SNAP23: variants seen among roughly 807,000 people sequenced by gnomAD.
SNAP23 encodes synaptosome associated protein 23, also known as synaptosomal-associated protein 23.
SNAP23 carries 11 observed loss-of-function variants against 29.0 expected under a neutral mutation model. The ratio of observed to expected loss-of-function variants is 0.38; its 90% CI spans 0.24 to 0.63. SNAP23 has a LOEUF of 0.63. Ranked by LOEUF, SNAP23 falls within the 20% of genes least tolerant of loss-of-function variation. The pLI is 0.58. For missense variants in SNAP23, 220 were observed against 253.9 expected (o/e 0.87, Z 0.91); for synonymous variants, 60 against 82.9 (o/e 0.72, Z 1.50).
intron 6 of SNAP23, among the ~76,000 whole-genome samples, chr15:42,529,149 G>A (rs561114684): frequency 1.8e-4 from 28 of 152,276 alleles, no homozygotes; most frequent in Non-Finnish European, 3.1e-4. Context: ...GTTAAAGCAG[G>A]CATAAACAAT....
intron 5 of SNAP23, among the ~76,000 whole-genome samples, chr15:42,520,941 C>T (rs892888352): frequency 4.6e-5 from 7 of 152,182 alleles, no homozygotes; most frequent in African/African-American, 1.4e-4. Context: ...ACTGCTATTC[C>T]GATCTTAAGT....
chr15:42,513,199 A>T (rs150249939), intron 3 of SNAP23, 200 bp from the exon 4 acceptor site: 1 of 744,048 alleles, frequency 1.3e-6, no homozygotes, highest in Non-Finnish European at 2.4e-6. Context: ...GGGAAGATGA[A>T]TTCACTATGA....
intron 6 of SNAP23, 75 bp from the exon 7 acceptor site, chr15:42,529,599 AC>A: frequency 1.3e-6 from 2 of 1,496,870 alleles, no homozygotes; most frequent in Non-Finnish European, 1.8e-6. Context: ...TTGGTTACTT[AC>A]TTTTGTGAAA....
intron 1 of SNAP23, among the ~76,000 whole-genome samples, chr15:42,502,519 CTAAATAAA>C (rs74278905): frequency 2.6e-5 from 4 of 151,568 alleles, no homozygotes; most frequent in African/African-American, 7.3e-5. Context: ...CTATATCTAC[CTAAATAAA>C]TAAATAAATA....
At chr15:42,530,703 T>C (rs1472303099) in intron 7 of SNAP23, among the ~76,000 whole-genome samples, 2 of 152,176 alleles carry the variant, frequency 1.3e-5, no homozygotes, top group Admixed American at 6.5e-5. Flanking sequence ...TGAGCTGTGA[T>C]TGCACCATTG....
At chr15:42,515,015 T>C (rs1213405401) in intron 4 of SNAP23, among the ~76,000 whole-genome samples, 1 of 152,208 alleles carries the variant, frequency 6.6e-6, no homozygotes, top group Non-Finnish European at 1.5e-5. Flanking sequence ...ACAAGCTTTT[T>C]AGAACAAATT....
chr15:42,494,569 G>T (rs775743177), upstream of SNAP23, among the ~76,000 whole-genome samples: 2 of 149,728 alleles, frequency 1.3e-5, no homozygotes, highest in Non-Finnish European at 3.0e-5. Flanking sequence ...AGCCTGGAGT[G>T]CAATGGCATG....
chr15:42,504,220 T>C (rs2057299686), intron 1 of SNAP23, among the ~76,000 whole-genome samples: 1 of 151,804 alleles, frequency 6.6e-6, no homozygotes, highest in Non-Finnish European at 1.5e-5. Context: ...TGGGCACCTG[T>C]AATCCCAGCT....
intron 1 of SNAP23, among the ~76,000 whole-genome samples, chr15:42,510,221 A>C (rs1041537824): frequency 6.6e-6 from 1 of 152,038 alleles, no homozygotes; most frequent in Non-Finnish European, 1.5e-5. Flanking sequence ...CTTCAGCCTC[A>C]ACCTCCTGGA....
At chr15:42,525,451 CTTT>C (rs1158969519) in intron 5 of SNAP23, among the ~76,000 whole-genome samples, 17 of 47,190 alleles carry the variant, frequency 3.6e-4, no homozygotes, top group Admixed American at 7.3e-4. Context: ...ATCCAGTCTT[CTTT>C]TTTTTTTTTT....
At chr15:42,498,802 T>C (rs1447097388) in intron 1 of SNAP23, among the ~76,000 whole-genome samples, 1 of 152,194 alleles carries the variant, frequency 6.6e-6, no homozygotes, top group Non-Finnish European at 1.5e-5. Flanking sequence ...TACATTGCCA[T>C]ACTCCTTTGA....
At chr15:42,497,256 T>C (rs2057228179) in intron 1 of SNAP23, among the ~76,000 whole-genome samples, 1 of 148,906 alleles carries the variant, frequency 6.7e-6, no homozygotes, top group Admixed American at 6.8e-5. Flanking sequence ...TCGCTCAGGC[T>C]GGAGTGCAGT....
At chr15:42,528,459 AT>A in intron 6 of SNAP23, 39 bp downstream of exon 6, 1 of 1,601,962 alleles carries the variant, frequency 6.2e-7, no homozygotes, top group South Asian at 1.1e-5. Flanking sequence ...ACCTTTCTTA[AT>A]GAATGGTTCA....
intron 1 of SNAP23, among the ~76,000 whole-genome samples, chr15:42,498,330 CG>C (rs1042229859): frequency 2.0e-5 from 3 of 152,190 alleles, no homozygotes; most frequent in African/African-American, 7.2e-5. Context: ...CAGGCATTTC[CG>C]TACATCCTCT....
chr15:42,533,051 T>G lies in SNAP23; in HGVS notation c.*1573T>G, dbSNP rs1406615498. On this transcript the variant is annotated 3_prime_UTR_variant, in exon 8 of 8. Transcript: ENST00000249647. ...GCTTGATCCTTACAATTAAATTTTTTAACTAACTAATGGTATTGTTCTTTC... is the reference window on the plus strand; with the variant it reads ...GCTTGATCCTTACAATTAAATTTTTGAACTAACTAATGGTATTGTTCTTTC... 13 of 152,798 alleles carry G rather than the reference T, an allele frequency of 8.5e-5. No homozygotes were observed. In the East Asian group the frequency reaches 2.3e-3, roughly 27 times the overall value. The allele number at this position is 152,798 out of a possible 1,614,324, so 9.5% of individuals were successfully genotyped here. A position where few individuals can be genotyped will look rare whatever the true frequency, so the allele number is the denominator to read the frequency against.
intron 5 of SNAP23, among the ~76,000 whole-genome samples, chr15:42,526,694 T>C (rs1437171805): frequency 6.6e-6 from 1 of 152,226 alleles, no homozygotes; most frequent in African/African-American, 2.4e-5. Context: ...TTTTTGTTTA[T>C]AGAAAAGTGA....
chr15:42,503,358 C>T (rs1157502782), intron 1 of SNAP23, among the ~76,000 whole-genome samples: 2 of 144,070 alleles, frequency 1.4e-5, no homozygotes, highest in African/African-American at 5.0e-5. Context: ...CCCGCCACCA[C>T]GCCTGGCTAA....
intron 5 of SNAP23, 197 bp from the exon 6 acceptor site, chr15:42,528,065 G>GT: frequency 2.1e-6 from 1 of 468,958 alleles, no homozygotes. Flanking sequence ...ATTTTTTTTA[G>GT]TGTCAATGGG....
At chr15:42,508,578 A>G (rs1262489316) in intron 1 of SNAP23, among the ~76,000 whole-genome samples, 1 of 152,208 alleles carries the variant, frequency 6.6e-6, no homozygotes, top group East Asian at 1.9e-4. Flanking sequence ...TCGAGTTCAC[A>G]TGGAAAGGAT....
Sources: allele counts gnomAD v4.1 joint callset (sites outside exome capture counted in the v4.1 genomes callset), GRCh38; gene constraint gnomAD v4.1.1; transcripts MANE v1.5; gene names NCBI Gene and HGNC (gene_info 2026-07-23, HGNC 2026-07-21).